TTC6: variants seen among roughly 807,000 people sequenced by gnomAD.
TTC6 encodes the protein tetratricopeptide repeat domain 6.
A neutral mutation model predicts 210.4 loss-of-function variants in TTC6; 172 were observed. That is an observed-to-expected ratio of 0.82 (90% CI 0.72 to 0.93). TTC6 has a LOEUF of 0.93. Ranked by LOEUF, TTC6 falls within the 40% of genes least tolerant of loss-of-function variation. TTC6 has a pLI of 0.00. For missense variants in TTC6, 2,414 were observed against 2,318.1 expected (o/e 1.04, Z -0.85); for synonymous variants, 804 against 819.6 (o/e 0.98, Z 0.32).
At chr14:37,610,602 A>C (rs937526180) in intron 2 of TTC6, among the ~76,000 whole-genome samples, 2 of 152,234 alleles carry the variant, frequency 1.3e-5, no homozygotes, top group Non-Finnish European at 2.9e-5. Context: ...ATGGTTTATC[A>C]CAAAGAGAAA....
intron 3 of TTC6, among the ~76,000 whole-genome samples, chr14:37,686,937 A>G (rs2138586970): frequency 6.6e-6 from 1 of 152,284 alleles, no homozygotes; most frequent in Non-Finnish European, 1.5e-5. Flanking sequence ...GATAGCATCA[A>G]AAATTCTACT....
intron 1 of TTC6, among the ~76,000 whole-genome samples, chr14:37,624,454 C>T (rs1389958211): frequency 1.3e-5 from 2 of 152,074 alleles, no homozygotes; most frequent in East Asian, 1.9e-4. Context: ...GAAACTGGTC[C>T]AGAGGTCCCG....
chr14:37,807,510 C>T (rs2096121221), intron 23 of TTC6, 50 bp downstream of exon 25: 5 of 1,415,354 alleles, frequency 3.5e-6, no homozygotes, highest in Non-Finnish European at 4.7e-6. Flanking sequence ...TGGGCAGATT[C>T]TCTTATGCTA....
chr14:37,681,487 G>T (rs1383184602), intron 2 of TTC6, among the ~76,000 whole-genome samples: 1 of 152,120 alleles, frequency 6.6e-6, no homozygotes, highest in Non-Finnish European at 1.5e-5. Context: ...TTGTAATTCT[G>T]CTGGAACCAT....
intron 13 of TTC6, among the ~76,000 whole-genome samples, chr14:37,752,361 T>C (rs530028368): frequency 6.6e-6 from 1 of 152,142 alleles, no homozygotes; most frequent in East Asian, 1.9e-4. Context: ...GAATATTATA[T>C]ATTTTGTTAA....
chr14:37,804,057 A>G (rs902542103), intron 20 of TTC6, among the ~76,000 whole-genome samples: 1 of 152,174 alleles, frequency 6.6e-6, no homozygotes, highest in Non-Finnish European at 1.5e-5. Flanking sequence ...TGACTTTTTC[A>G]TTTAATGAGA....
At position 37,829,118 on chromosome 14, in the gene TTC6, G is replaced by C. The variant is rs758640058; in HGVS notation, c.5298+1752G>C. ...GAGACCTTCTGATTTGCTTTGCCTG[G>C]TATTCCTTTGCTTTTCCTTTTATTT... On this transcript the variant is annotated intron_variant, in intron 29 of 30. Coordinates refer to ENST00000553443, the Ensembl canonical transcript of TTC6. Among the ~76,000 whole-genome samples, 11 of 151,884 alleles carry C rather than the reference G, an allele frequency of 7.2e-5. 1 individual carries two copies. The Middle Eastern group carries it at 0.014, about 189-fold the overall frequency.
chr14:37,663,145 A>AT (rs886471989), intron 1 of TTC6, among the ~76,000 whole-genome samples: 2 of 151,218 alleles, frequency 1.3e-5, no homozygotes, highest in African/African-American at 2.4e-5. Context: ...TAGGCATTTT[A>AT]TTTTTTTTGT....
chr14:37,636,593 G>C lies in TTC6; in HGVS notation c.939+13590G>C, dbSNP rs566747891. Among the ~76,000 whole-genome samples, 27 of 152,138 alleles carry C rather than the reference G, an allele frequency of 1.8e-4. No homozygotes were observed. The East Asian group carries it at 4.4e-3, about 25-fold the overall frequency. On this transcript the variant is annotated intron_variant, in intron 1 of 30. Coordinates refer to ENST00000553443, the Ensembl canonical transcript of TTC6. ...CTTTGTAAAAAAAAAGTCAAAATTTGTATACCACAGCCGTAGTAATGATGA... is the reference window on the plus strand; with the variant it reads ...CTTTGTAAAAAAAAAGTCAAAATTTCTATACCACAGCCGTAGTAATGATGA...
At chr14:37,668,576 G>A (rs975244907) in intron 1 of TTC6, among the ~76,000 whole-genome samples, 9 of 135,968 alleles carry the variant, frequency 6.6e-5, no homozygotes, top group East Asian at 3.9e-4. Context: ...AGGAATTGGC[G>A]CATCGTTACT....
chr14:37,632,359 C>A (rs1383981448), intron 1 of TTC6, among the ~76,000 whole-genome samples: 1 of 152,210 alleles, frequency 6.6e-6, no homozygotes, highest in Non-Finnish European at 1.5e-5. Flanking sequence ...AATTTACCTT[C>A]AAACAGTGAA....
chr14:37,776,240 C>T (rs1157062788), intron 14 of TTC6, among the ~76,000 whole-genome samples: 1 of 20,760 alleles, frequency 4.8e-5, no homozygotes, highest in Non-Finnish European at 1.3e-4. Context: ...TTAGTAGAGA[C>T]GGGGTTTGGG....
intron 1 of TTC6, among the ~76,000 whole-genome samples, chr14:37,652,027 G>A (rs540855027): frequency 7.2e-5 from 11 of 152,174 alleles, no homozygotes; most frequent in Non-Finnish European, 1.2e-4. Flanking sequence ...TGCTAACATG[G>A]ACTGGTGGGC....
At chr14:37,812,415 G>A (rs1452082362) in exon 25 of TTC6, 1 of 1,608,214 alleles carries the variant, frequency 6.2e-7, no homozygotes, top group South Asian at 1.1e-5. Context: ...AACTAGGCCA[G>A]TATGGCTTTG....
In TTC6 at chr14:37,682,967, A is replaced by G. The variant is rs1277510122; in HGVS notation, c.1257+3A>G. 4 of 1,534,636 alleles carry G rather than the reference A, an allele frequency of 2.6e-6. No individual in the cohort carries two copies. The highest frequency in any genetic ancestry group is 2.0e-5 in the Admixed American group (1 of 50,934). ...AAGCCAAGTGGGTGTCTTTAACGGT[A>G]AGAAACTATTTATGTTGGAAACACC... is the stretch of plus-strand genomic sequence containing the variant. On this transcript the variant is annotated splice_donor_region_variant and intron_variant, in intron 3 of 30. Coordinates refer to ENST00000553443, the Ensembl canonical transcript of TTC6.
At chr14:37,728,563 T>C (rs2095878472) in intron 7 of TTC6, among the ~76,000 whole-genome samples, 1 of 152,262 alleles carries the variant, frequency 6.6e-6, no homozygotes, top group Non-Finnish European at 1.5e-5. Flanking sequence ...TGAATTCTAC[T>C]CTAGTATGTC....
In TTC6 at chr14:37,756,579, G is replaced by A. The variant is rs540330707; in HGVS notation, c.3266+3344G>A. 9.2e-5 allele frequency among the ~76,000 whole-genome samples: 14 copies of A among 152,204 alleles called. No homozygotes were observed. In the South Asian group the frequency reaches 2.5e-3, roughly 27 times the overall value. On this transcript the variant is annotated intron_variant, in intron 14 of 30. Transcript: ENST00000553443. ...GAAAGGGTGTTGAATTTTATTGAAG[G>A]CTTTTTCTGCATCTATTGAGATAAT...
chr14:37,718,251 G>A (rs949127286), intron 6 of TTC6, among the ~76,000 whole-genome samples: 1 of 152,058 alleles, frequency 6.6e-6, no homozygotes, highest in Non-Finnish European at 1.5e-5. Context: ...GAGATTTGAG[G>A]CTTTCTCAGT....
At chr14:37,751,259 A>G in intron 13 of TTC6, 34 bp downstream of exon 15, 1 of 1,447,952 alleles carries the variant, frequency 6.9e-7, no homozygotes, top group South Asian at 1.5e-5. Flanking sequence ...TACCATTTAT[A>G]TAGTTTAGAT....
Sources: gnomAD v4.1 joint callset for allele counts (sites outside exome capture counted in the v4.1 genomes callset) on GRCh38, gnomAD v4.1.1 for gene constraint, MANE v1.5 for transcripts, NCBI Gene and HGNC (gene_info 2026-07-23, HGNC 2026-07-21) for gene names.